GSG1: variants seen among roughly 807,000 people sequenced by gnomAD.
GSG1 encodes germ cell associated 1, also known as germ cell-specific gene 1 protein.
Under a neutral mutation model 30.8 loss-of-function variants are expected in GSG1, and 28 were observed. The observed-to-expected ratio is 0.91, with a 90% confidence interval of 0.67 to 1.25. GSG1 has a LOEUF of 1.25. Ranked by LOEUF, GSG1 falls within the 50% of genes most tolerant of loss-of-function variation. The pLI, the probability that GSG1 is intolerant of heterozygous loss-of-function variation, is 0.00. For missense variants in GSG1, 435 were observed against 444.7 expected (o/e 0.98, Z 0.20); for synonymous variants, 162 against 178.0 (o/e 0.91, Z 0.71).
In GSG1 at chr12:13,101,583, A is replaced by C. The variant is rs2120998209; in HGVS notation, c.48+1882T>G. Among the ~76,000 whole-genome samples the C allele has an allele frequency of 6.6e-6, 1 of 152,304 alleles. No homozygotes were observed. Among genetic ancestry groups the C allele is most frequent in the African/African-American group, 2.4e-5 (1 of 41,584 alleles). The stretch of plus-strand genomic sequence containing the variant: ...CGGAGCTGGGCCGGGGCGCTAGGCC[A>C]CCTGAGGCGCGTCCCCTCTGCCGCC... On this transcript the variant is annotated intron_variant, in intron 1 of 6. Transcript: ENST00000651961. This position sits in a 1 kb window ranked among gnomAD's most constrained non-coding sequence, Gnocchi z 5.8.
intron 4 of GSG1, 35 bp from the exon 5 acceptor site, chr12:13,088,094 C>T: frequency 6.2e-7 from 1 of 1,612,652 alleles, no homozygotes; most frequent in Non-Finnish European, 8.5e-7. Context: ...AGCGCTCACC[C>T]TGACAGTTAA....
chr12:13,098,476 TTTTTTTTTTTTTTTTTGG>T, intron 1 of GSG1, among the ~76,000 whole-genome samples: 2 of 125,968 alleles, frequency 1.6e-5, no homozygotes, highest in African/African-American at 5.8e-5. Flanking sequence ...TTTTTTTTTT[TTTTTTTTTTTTTTTTTGG>T]GCGGCCAGTT....
chr12:13,103,424 T>C (rs1286660503), intron 1 of GSG1, 41 bp downstream of exon 1: 1 of 1,389,042 alleles, frequency 7.2e-7, no homozygotes, highest in Non-Finnish European at 1.0e-6. Flanking sequence ...TAAAGATATG[T>C]GTATGAGATG....
At position 13,088,785 on chromosome 12, in the gene GSG1, C is replaced by T; in HGVS notation, c.481+77G>A. On this transcript the variant is annotated intron_variant, in intron 4 of 6. Transcript: ENST00000651961. ...GGGAGGGGAGGGAAGCCTTCTCCAT[C>T]AACCGCTTCCCTCCAAATCGGAGAG... The T allele has an allele frequency of 1.9e-6, 3 of 1,614,084 alleles. No homozygotes were observed. The South Asian group carries it at 3.3e-5, about 18-fold the overall frequency.
At chr12:13,088,165 G>A (rs1366407358) in intron 4 of GSG1, 106 bp from the exon 5 acceptor site, 19 of 1,209,336 alleles carry the variant, frequency 1.6e-5, no homozygotes. Flanking sequence ...AGCAGCATCT[G>A]AGAAGGGGAG....
At position 13,088,929 on chromosome 12, in the gene GSG1, A is replaced by G. The variant is rs765834004; in HGVS notation, c.434-20T>C. ...TCTCCCCTGAAACATACAAGGTACA[A>G]CGTCATGGAGCTACTCCCTGGGATG... On this transcript the variant is annotated intron_variant, in intron 3 of 6. Coordinates refer to ENST00000651961, the MANE Select transcript of GSG1 (RefSeq NM_001080555.4). 2 of 1,613,708 alleles carry G rather than the reference A, an allele frequency of 1.2e-6. No individual in the cohort carries two copies. Among genetic ancestry groups the G allele is most frequent in the African/African-American group, 2.7e-5 (2 of 74,900 alleles).
rs1184492530 is a variant in GSG1, at chr12:13,083,865, C to T, written c.*1036G>A. 1 of 152,102 alleles carries T rather than the reference C, an allele frequency of 6.6e-6. No individual in the cohort carries two copies. The highest frequency in any genetic ancestry group is 1.5e-5 in the Non-Finnish European group (1 of 68,052). 9.4% of individuals were successfully genotyped at this position (152,102 alleles called of 1,614,324 possible). A position where few individuals can be genotyped will look rare whatever the true frequency, so the allele number is the denominator to read the frequency against. ...CATGTCCCTACAAAGGGCATAAACT[C>T]ATCCTTCTTTATGGCTGCATAGTAT... On this transcript the variant is annotated 3_prime_UTR_variant, in exon 7 of 7. Transcript: ENST00000651961.
intron 1 of GSG1, among the ~76,000 whole-genome samples, chr12:13,100,422 A>AT (rs111682205): frequency 3.3e-5 from 5 of 152,324 alleles, no homozygotes; most frequent in African/African-American, 1.2e-4. Flanking sequence ...CTGTGGAAAC[A>AT]TTCCTGCTTT....
At chr12:13,099,763 T>TGTTTTG (rs1863051981) in intron 1 of GSG1, among the ~76,000 whole-genome samples, 1 of 148,574 alleles carries the variant, frequency 6.7e-6, no homozygotes, top group African/African-American at 2.5e-5. Flanking sequence ...TTTTTTTTTT[T>TGTTTTG]TTTTTGTTTT....
At chr12:13,086,747 A>C (rs565994681) in intron 6 of GSG1, among the ~76,000 whole-genome samples, 1 of 152,312 alleles carries the variant, frequency 6.6e-6, no homozygotes, top group South Asian at 2.1e-4. Context: ...AATGCAATTC[A>C]ATCCAAATTT....
chr12:13,098,394 C>G (rs982270797), intron 1 of GSG1, among the ~76,000 whole-genome samples: 1 of 146,000 alleles, frequency 6.8e-6, no homozygotes, highest in African/African-American at 2.5e-5. Context: ...AGGGCTCAGG[C>G]TGAACTTTGG....
chr12:13,099,751 T>TTTTTTTG (rs1565551048), intron 1 of GSG1, among the ~76,000 whole-genome samples: 21 of 72,018 alleles, frequency 2.9e-4, no homozygotes, highest in African/African-American at 1.9e-3. Context: ...TTTTTTTTTG[T>TTTTTTTG]TTTTTTTTTT....
chr12:13,099,336 G>A (rs1457284489), intron 1 of GSG1, among the ~76,000 whole-genome samples: 1 of 152,192 alleles, frequency 6.6e-6, no homozygotes, highest in African/African-American at 2.4e-5. Flanking sequence ...CGGCTCAGAA[G>A]CTCATGACTC....
chr12:13,088,799 C>T, intron 4 of GSG1, 63 bp downstream of exon 4: 3 of 1,614,170 alleles, frequency 1.9e-6, no homozygotes, highest in South Asian at 2.2e-5. Context: ...CGCTTCCCTC[C>T]AAATCGGAGA....
chr12:13,095,651 T>C, intron 1 of GSG1: 1 of 1,614,164 alleles, frequency 6.2e-7, no homozygotes, highest in Non-Finnish European at 8.5e-7. Context: ...AAGGATGCCA[T>C]CTGCACTCCA....
rs756884061 is a variant in GSG1 at position 13,103,421 on chromosome 12, A to G, written c.48+44T>C. On this transcript the variant is annotated intron_variant, in intron 1 of 6. Transcript: ENST00000651961. The stretch of plus-strand genomic sequence containing the variant: ...GTGTTACAAATCCAGCAGTAAAGAT[A>G]TGTGTATGAGATGTTCATGAGATTT... 8.8e-6 allele frequency: 12 copies of G among 1,360,130 alleles called. No homozygotes were observed. The South Asian group carries it at 1.2e-4, about 13-fold the overall frequency. The allele number at this position is 1,360,130 out of a possible 1,614,324, so 84.3% of individuals were successfully genotyped here.
At chr12:13,092,950 C>A (rs1412306850) in intron 1 of GSG1, among the ~76,000 whole-genome samples, 1 of 151,668 alleles carries the variant, frequency 6.6e-6, no homozygotes, top group Admixed American at 6.6e-5. Context: ...TGCCACCATG[C>A]CTGGCTAATT....
In GSG1 at chr12:13,090,593, A is replaced by G. The variant is rs777168436; in HGVS notation, c.274T>C (p.Tyr92His). Residue 92 changes from tyrosine (Y) to histidine (H), a missense_variant, in exon 2 of 7, where the codon TAC becomes CAC. Coordinates refer to ENST00000651961, the MANE Select transcript of GSG1 (RefSeq NM_001080555.4). ...TNTSTQEVVQ[Y>H]NWETGDDRFS... ...CGGTCATCCCCAGTCTCCCAGTTGTATTGTACCACCTCCTGGGTGGATGTG... is the reference window on the plus strand; with the variant it reads ...CGGTCATCCCCAGTCTCCCAGTTGTGTTGTACCACCTCCTGGGTGGATGTG... 3.1e-6 allele frequency: 5 copies of G among 1,614,088 alleles called. No homozygotes were observed. In the African/African-American group the frequency reaches 6.7e-5, roughly 22 times the overall value.
intron 1 of GSG1, among the ~76,000 whole-genome samples, chr12:13,092,569 CTT>C (rs1005451793): frequency 2.3e-4 from 35 of 152,280 alleles, no homozygotes; most frequent in African/African-American, 8.2e-4. Flanking sequence ...TAATAGTACT[CTT>C]TTCACATTTA....
Sources: allele counts gnomAD v4.1 joint callset (sites outside exome capture counted in the v4.1 genomes callset), GRCh38; gene constraint gnomAD v4.1.1; non-coding constraint Gnocchi (gnomAD v3.1); transcripts MANE v1.5; gene names NCBI Gene and HGNC (gene_info 2026-07-23, HGNC 2026-07-21).